The following RCBTB2 variants were observed in gnomAD, a reference collection of about 807,000 sequenced individuals.
The protein encoded by RCBTB2 is RCC1 and BTB domain-containing protein 2.
In RCBTB2, 55 loss-of-function variants were observed where a neutral mutation model predicts 65.4. The observed-to-expected ratio is 0.84, with a 90% CI of 0.68 to 1.05. The LOEUF (loss-of-function observed/expected upper bound fraction) is 1.05. Ranked by LOEUF, RCBTB2 falls within the 50% of genes least tolerant of loss-of-function variation. The probability of loss-of-function intolerance (pLI) is 0.00; values close to 1 mark genes in which losing one functional copy is unlikely to be tolerated. For missense variants in RCBTB2, 599 were observed against 680.1 expected (o/e 0.88, Z 1.33); for synonymous variants, 220 against 255.2 (o/e 0.86, Z 1.31).
intron 6 of RCBTB2, among the ~76,000 whole-genome samples, chr13:48,513,535 A>G (rs888722375): frequency 6.6e-6 from 1 of 152,122 alleles, no homozygotes; most frequent in African/African-American, 2.4e-5. Flanking sequence ...GTTGTCTCTT[A>G]GTGTTATATT....
At chr13:48,520,237 C>T (rs914836578) in intron 4 of RCBTB2, among the ~76,000 whole-genome samples, 1 of 152,136 alleles carries the variant, frequency 6.6e-6, no homozygotes, top group African/African-American at 2.4e-5. Context: ...AATAGTCCCC[C>T]ATAGGAGCCT....
chr13:48,490,070 A>G lies in RCBTB2; in HGVS notation c.*41T>C, dbSNP rs536075595. 1.4e-5 allele frequency: 23 copies of G among 1,609,250 alleles called. No individual in the cohort carries two copies. The South Asian group carries it at 2.5e-4, about 18-fold the overall frequency. The stretch of plus-strand genomic sequence containing the variant: ...GAAGTGATTCATCTCTGGCTTTTGC[A>G]GGGGAAATGGAAAGGCTCAAAAACT... On this transcript the variant is annotated 3_prime_UTR_variant, in exon 15 of 15. Transcript: ENST00000344532.
At chr13:48,505,348 G>C (rs1470597957) in intron 10 of RCBTB2, among the ~76,000 whole-genome samples, 1 of 152,202 alleles carries the variant, frequency 6.6e-6, no homozygotes, top group Non-Finnish European at 1.5e-5. Context: ...TTTAGGTGGA[G>C]ACCATGTATT....
chr13:48,494,017 C>T lies in RCBTB2; in HGVS notation c.1515+2174G>A, dbSNP rs191293822. 2.0e-5 allele frequency among the ~76,000 whole-genome samples: 3 copies of T among 152,238 alleles called. No homozygotes were observed. The East Asian group carries it at 5.8e-4, about 29-fold the overall frequency. On this transcript the variant is annotated intron_variant, in intron 14 of 14. Coordinates refer to ENST00000344532, the MANE Select transcript of RCBTB2 (RefSeq NM_001268.4). Reference sequence around the variant, plus strand: ...CAATGGAGAATTGTAGTTAAACATGCGGTTTTAAAATGTGCCCAATCTTGG... The same window carrying T: ...CAATGGAGAATTGTAGTTAAACATGTGGTTTTAAAATGTGCCCAATCTTGG...
At chr13:48,527,597 A>G (rs1951878437) in intron 1 of RCBTB2, among the ~76,000 whole-genome samples, 1 of 151,992 alleles carries the variant, frequency 6.6e-6, no homozygotes, top group Non-Finnish European at 1.5e-5. Flanking sequence ...CAAATGGGAC[A>G]CTCGGTGGCC....
At chr13:48,493,340 C>CTCTCTCTCTCTCTCTCT (rs756141334) in intron 14 of RCBTB2, among the ~76,000 whole-genome samples, 1 of 123,650 alleles carries the variant, frequency 8.1e-6, no homozygotes, top group Non-Finnish European at 1.7e-5. Context: ...CTCTCTCTCT[C>CTCTCTCTCTCTCTCTCT]TTCTCTTCTC....
chr13:48,504,949 T>C (rs779287890), intron 10 of RCBTB2, among the ~76,000 whole-genome samples: 6 of 152,132 alleles, frequency 3.9e-5, no homozygotes, highest in Non-Finnish European at 8.8e-5. Flanking sequence ...TCTTAGCCCT[T>C]GAAAACCACC....
At chr13:48,493,262 CTT>C (rs1491114320) in intron 14 of RCBTB2, among the ~76,000 whole-genome samples, 23 of 125,230 alleles carry the variant, frequency 1.8e-4, no homozygotes, top group South Asian at 9.5e-4. Flanking sequence ...CACACACACT[CTT>C]CTCTCTCTCA....
At chr13:48,525,415 T>C (rs1261258214) in intron 1 of RCBTB2, among the ~76,000 whole-genome samples, 1 of 118,406 alleles carries the variant, frequency 8.4e-6, no homozygotes, top group Non-Finnish European at 1.8e-5. Context: ...TATATATATA[T>C]ATATTCAGTT....
In RCBTB2 at chr13:48,488,968, T is replaced by TGATA. The variant is rs1400452079; in HGVS notation, c.*1142_*1143insTATC. The TGATA allele has an allele frequency of 6.6e-6, 1 of 152,200 alleles. No individual in the cohort carries two copies. Among genetic ancestry groups the TGATA allele is most frequent in the Non-Finnish European group, 1.5e-5 (1 of 68,032 alleles). 9.4% of individuals were successfully genotyped at this position (152,200 alleles called of 1,614,324 possible). On this transcript the variant is annotated 3_prime_UTR_variant, in exon 15 of 15. Coordinates refer to ENST00000344532, the MANE Select transcript of RCBTB2 (RefSeq NM_001268.4). Reference sequence around the variant, plus strand: ...AAAAAACCCCAACACATTTGTTCTGTTATCTGCAAATAAGCACTTTATTAC... The same window carrying TGATA: ...AAAAAACCCCAACACATTTGTTCTGTGATATATCTGCAAATAAGCACTTTATTAC...
intron 9 of RCBTB2, 38 bp from the exon 10 acceptor site, chr13:48,510,809 A>C (rs961705495): frequency 1.3e-6 from 2 of 1,570,216 alleles, no homozygotes; most frequent in Non-Finnish European, 1.7e-6. Flanking sequence ...TGCAAATATA[A>C]GTAATTATTT....
At chr13:48,511,157 AT>A (rs985903696) in intron 9 of RCBTB2, among the ~76,000 whole-genome samples, 2 of 151,976 alleles carry the variant, frequency 1.3e-5, no homozygotes, top group Non-Finnish European at 1.5e-5. Flanking sequence ...TATCAGAGGC[AT>A]TTTTTTTCTA....
chr13:48,528,852 A>G (rs1008285181), intron 1 of RCBTB2, among the ~76,000 whole-genome samples: 2 of 152,204 alleles, frequency 1.3e-5, no homozygotes, highest in East Asian at 3.8e-4. Flanking sequence ...GGACAAAACT[A>G]AAACACTAAA....
chr13:48,511,165 T>C (rs1950771943), intron 9 of RCBTB2, among the ~76,000 whole-genome samples: 1 of 152,220 alleles, frequency 6.6e-6, no homozygotes, highest in Non-Finnish European at 1.5e-5. Flanking sequence ...GCATTTTTTT[T>C]CTATTTCTAT....
At chr13:48,493,307 A>ACTCTCTCTCTCTCTCTCTCT (rs1483026433) in intron 14 of RCBTB2, among the ~76,000 whole-genome samples, 2 of 63,100 alleles carry the variant, frequency 3.2e-5, no homozygotes, top group Non-Finnish European at 6.5e-5. Context: ...ACACACACAC[A>ACTCTCTCTCTCTCTCTCTCT]CACACACACT....
intron 1 of RCBTB2, among the ~76,000 whole-genome samples, chr13:48,526,450 C>T (rs1053114127): frequency 4.6e-5 from 7 of 152,098 alleles, no homozygotes; most frequent in African/African-American, 1.2e-4. Flanking sequence ...ATAGGTGGAT[C>T]GCTTGAACCC....
intron 1 of RCBTB2, among the ~76,000 whole-genome samples, chr13:48,529,598 T>G (rs1307129237): frequency 1.3e-5 from 2 of 152,048 alleles, no homozygotes; most frequent in Admixed American, 1.3e-4. Flanking sequence ...TGCTGAAAAA[T>G]TATTATGGTT....
At chr13:48,510,535 G>T in intron 10 of RCBTB2, 94 bp downstream of exon 10, 1 of 1,324,004 alleles carries the variant, frequency 7.6e-7, no homozygotes, top group Non-Finnish European at 1.0e-6. Flanking sequence ...TCTAACACTA[G>T]CAGTACATTC....
chr13:48,496,451 G>A (rs138460589), intron 13 of RCBTB2, 130 bp from the exon 14 acceptor site: 91 of 842,052 alleles, frequency 1.1e-4, no homozygotes, highest in Non-Finnish European at 1.5e-4. Flanking sequence ...TGCATAGACT[G>A]ATGCTGACTG....
Sources: gnomAD v4.1 joint callset for allele counts (sites outside exome capture counted in the v4.1 genomes callset) on GRCh38, gnomAD v4.1.1 for gene constraint, MANE v1.5 for transcripts, NCBI Gene and HGNC (gene_info 2026-07-23, HGNC 2026-07-21) for gene names.